TEF: variants seen among roughly 807,000 people sequenced by gnomAD.
TEF encodes thyrotroph embryonic factor.
A neutral mutation model predicts 20.8 loss-of-function variants in TEF; 3 were observed. That is an observed-to-expected ratio of 0.14 (90% CI 0.07 to 0.37). The LOEUF (loss-of-function observed/expected upper bound fraction) is 0.37. Among genes scored for constraint, TEF ranks in the 10% least tolerant of loss-of-function variants. The probability of loss-of-function intolerance (pLI) is 1.00; values close to 1 mark genes in which losing one functional copy is unlikely to be tolerated. For synonymous variants in TEF, 180 were observed against 171.1 expected, an observed-to-expected ratio of 1.05 and a Z score of -0.41; for missense variants, 296 against 397.9, an observed-to-expected ratio of 0.74 and a Z score of 2.18.
intron 2 of TEF, among the ~76,000 whole-genome samples, chr22:41,389,575 C>T (rs1326035206): frequency 6.6e-6 from 1 of 151,788 alleles, no homozygotes; most frequent in Non-Finnish European, 1.5e-5. Flanking sequence ...GCCGAGATGG[C>T]GCCACTGCAC....
At chr22:41,384,688 G>A (rs1601820003) in intron 1 of TEF, among the ~76,000 whole-genome samples, 1 of 152,126 alleles carries the variant, frequency 6.6e-6, no homozygotes, top group South Asian at 2.1e-4. Flanking sequence ...AAATAAATCA[G>A]TTCATACTTT....
chr22:41,383,315 A>G (rs2037058527), intron 1 of TEF, among the ~76,000 whole-genome samples: 1 of 152,116 alleles, frequency 6.6e-6, no homozygotes, highest in Admixed American at 6.6e-5. Context: ...TTGGGACCTC[A>G]TGTGCACAAA....
chr22:41,398,475 A>G lies in TEF; in HGVS notation c.*2515A>G, dbSNP rs2037256449. Reference sequence around the variant, plus strand: ...TCTACTTCCTAAGCATCCTGTCTAAAGCTTTGTGGCACCCTCAGTGCAACC... The same window carrying G: ...TCTACTTCCTAAGCATCCTGTCTAAGGCTTTGTGGCACCCTCAGTGCAACC... On this transcript the variant is annotated 3_prime_UTR_variant, in exon 4 of 4. Coordinates refer to ENST00000266304, the MANE Select transcript of TEF (RefSeq NM_003216.4). 1 of 153,744 alleles carries G rather than the reference A, an allele frequency of 6.5e-6. No individual in the cohort carries two copies. Among genetic ancestry groups the G allele is most frequent in the African/African-American group, 2.4e-5 (1 of 41,442 alleles). 9.5% of individuals were successfully genotyped at this position (153,744 alleles called of 1,614,324 possible).
chr22:41,380,323 T>C (rs757511482), upstream of TEF, among the ~76,000 whole-genome samples: 6 of 152,078 alleles, frequency 3.9e-5, no homozygotes, highest in Admixed American at 2.0e-4. Context: ...CGTCTAATTA[T>C]TTCTGTACTT....
chr22:41,392,300 A>G (rs908086634), intron 2 of TEF, among the ~76,000 whole-genome samples: 3 of 152,166 alleles, frequency 2.0e-5, no homozygotes, highest in Non-Finnish European at 4.4e-5. Flanking sequence ...TTTTAGTTCA[A>G]TTGCTTATCA....
upstream of TEF, among the ~76,000 whole-genome samples, chr22:41,378,930 C>G (rs1212504898): frequency 1.3e-5 from 2 of 152,236 alleles, no homozygotes; most frequent in East Asian, 3.8e-4. Context: ...GAGAGTGACA[C>G]AGGCACCACA....
chr22:41,383,327 C>T (rs372583931), intron 1 of TEF, among the ~76,000 whole-genome samples: 1 of 152,076 alleles, frequency 6.6e-6, no homozygotes, highest in East Asian at 1.9e-4. Context: ...GTGCACAAAC[C>T]CTTTTGTTTG....
intron 2 of TEF, among the ~76,000 whole-genome samples, chr22:41,390,100 A>G (rs1279165575): frequency 1.3e-5 from 2 of 152,134 alleles, no homozygotes; most frequent in East Asian, 3.9e-4. Context: ...CATGTTGGCC[A>G]GGTTGGTCTC....
At position 41,397,995 on chromosome 22, in the gene TEF, G is replaced by T. The variant is rs961787277; in HGVS notation, c.*2035G>T. The T allele has an allele frequency of 2.6e-5, 4 of 152,176 alleles. No homozygotes were observed. Among genetic ancestry groups the T allele is most frequent in the Admixed American group, 2.6e-4 (4 of 15,266 alleles). 9.4% of individuals were successfully genotyped at this position (152,176 alleles called of 1,614,324 possible). On this transcript the variant is annotated 3_prime_UTR_variant, in exon 4 of 4. Transcript: ENST00000266304. ...GGTGGCTGGGATGGTGGCTCGATGT[G>T]TCTCCTCTTTATCCCGCCCTCTGCC...
At position 41,397,351 on chromosome 22, in the gene TEF, C is replaced by T; in HGVS notation, c.*1391C>T. On this transcript the variant is annotated 3_prime_UTR_variant, in exon 4 of 4. Transcript: ENST00000266304. ...GCTCAGAAGATTCACTGAGGAAACT[C>T]ATGGAAGCCTCTGCTCATTTGGGTC... 1 of 369,186 alleles carries T rather than the reference C, an allele frequency of 2.7e-6. No individual in the cohort carries two copies. The highest frequency in any genetic ancestry group is 4.8e-6 in the Non-Finnish European group (1 of 207,496). 22.9% of individuals were successfully genotyped at this position (369,186 alleles called of 1,614,324 possible). A position where few individuals can be genotyped will look rare whatever the true frequency, so the allele number is the denominator to read the frequency against.
At chr22:41,375,686 T>C (rs1046352976) in intron 1 of TEF, among the ~76,000 whole-genome samples, 1 of 146,250 alleles carries the variant, frequency 6.8e-6, no homozygotes, top group Non-Finnish European at 1.5e-5. Flanking sequence ...ATTGCGCCAC[T>C]GCACTCCAGC....
intron 1 of TEF, chr22:41,369,198 G>T (rs1194394910): frequency 1.0e-6 from 1 of 985,264 alleles, no homozygotes; most frequent in African/African-American, 1.7e-5. Context: ...AAGTGTGGCA[G>T]CAGCTGCCGG....
chr22:41,375,892 G>C (rs2036935688), intron 1 of TEF, among the ~76,000 whole-genome samples: 1 of 152,128 alleles, frequency 6.6e-6, no homozygotes, highest in Admixed American at 6.5e-5. Context: ...TTATTACCCT[G>C]AACAAAGCAT....
chr22:41,396,796 C>T lies in TEF; in HGVS notation c.*836C>T, dbSNP rs1453663296. On this transcript the variant is annotated 3_prime_UTR_variant, in exon 4 of 4. Coordinates refer to ENST00000266304, the MANE Select transcript of TEF (RefSeq NM_003216.4). ...GTCCCACTAGACCAGGCCTCTGGGCCTGCTCTTTCTTTCCACCCAATGTCC... is the reference window on the plus strand; with the variant it reads ...GTCCCACTAGACCAGGCCTCTGGGCTTGCTCTTTCTTTCCACCCAATGTCC... The T allele has an allele frequency of 7.6e-6, 3 of 396,698 alleles. No individual in the cohort carries two copies. The highest frequency in any genetic ancestry group is 4.1e-5 in the African/African-American group (2 of 48,584). The allele number at this position is 396,698 out of a possible 1,614,324, so 24.6% of individuals were successfully genotyped here.
At chr22:41,387,235 T>G in intron 1 of TEF, 116 bp from the exon 2 acceptor site, 1 of 1,111,412 alleles carries the variant, frequency 9.0e-7, no homozygotes, top group South Asian at 1.5e-5. Context: ...TTGAAATGCA[T>G]GGGTTGGAAT....
rs2037035553 is a variant in TEF at position 41,382,134 on chromosome 22, C to T, written c.90C>T (p.Gly30=). 8.1e-7 allele frequency: 1 copy of T among 1,237,274 alleles called. No homozygotes were observed. Among genetic ancestry groups the T allele is most frequent in the Middle Eastern group, 2.4e-4 (1 of 4,092 alleles). 76.6% of individuals were successfully genotyped at this position (1,237,274 alleles called of 1,614,324 possible). A position where few individuals can be genotyped will look rare whatever the true frequency, so the allele number is the denominator to read the frequency against. ...CGGGGCGCGCAGCTGGGGAAAGGGG[C>T]CTGTCGGGGTCCTTCCCCCTGGTCC... ...PGPGRAAGER[G]LSGSFPLVLK... is the part of the protein sequence containing the mutation. Residue 30 remains glycine, a synonymous_variant, in exon 1 of 4, where the codon GGC becomes GGT. Coordinates refer to ENST00000266304, the MANE Select transcript of TEF (RefSeq NM_003216.4).
chr22:41,390,425 G>T (rs2037150537), intron 2 of TEF, among the ~76,000 whole-genome samples: 1 of 151,640 alleles, frequency 6.6e-6, no homozygotes, highest in Non-Finnish European at 1.5e-5. Context: ...TATATTTCAG[G>T]CAAGTTACCA....
rs1329532953 is a variant in TEF at position 41,382,014 on chromosome 22, G to A, written c.-31G>A. 1 of 1,230,114 alleles carries A rather than the reference G, an allele frequency of 8.1e-7. No homozygotes were observed. The highest frequency in any genetic ancestry group is 1.0e-6 in the Non-Finnish European group (1 of 986,904). The allele number at this position is 1,230,114 out of a possible 1,614,324, so 76.2% of individuals were successfully genotyped here. A position where few individuals can be genotyped will look rare whatever the true frequency, so the allele number is the denominator to read the frequency against. ...CCCATCTCGGGGGGCGGGCGGGGGA[G>A]GCGAGGTGCGCGAGCCGAGTCCGGG... On this transcript the variant is annotated 5_prime_UTR_variant, in exon 1 of 4. Transcript: ENST00000266304.
At chr22:41,379,931 G>T (rs112058240), upstream of TEF, among the ~76,000 whole-genome samples, 3,058 of 132,330 alleles carry the variant, frequency 0.023, 91 homozygotes, top group African/African-American at 0.086. Context: ...GAAAAGAAAA[G>T]AAAATAAAAA....
Sources: gnomAD v4.1 joint callset for allele counts (sites outside exome capture counted in the v4.1 genomes callset) on GRCh38, gnomAD v4.1.1 for gene constraint, MANE v1.5 for transcripts, NCBI Gene and HGNC (gene_info 2026-07-23, HGNC 2026-07-21) for gene names.